Variants in PIK3CA observed in about 807,000 individuals in gnomAD.
The protein encoded by PIK3CA is phosphatidylinositol-4,5-bisphosphate 3-kinase catalytic subunit alpha.
PIK3CA carries 27 observed loss-of-function variants against 138.2 expected under a neutral mutation model. That is an observed-to-expected ratio of 0.20 (90% CI 0.14 to 0.27). PIK3CA has a LOEUF of 0.27. PIK3CA is among the 10% of genes least tolerant of loss of function. PIK3CA has a pLI of 1.00. For missense variants in PIK3CA, 544 were observed against 1,277.4 expected (o/e 0.43, Z 8.75); for synonymous variants, 358 against 413.2 (o/e 0.87, Z 1.62).
intron 1 of PIK3CA, among the ~76,000 whole-genome samples, chr3:179,181,213 AT>A (rs1723837040): frequency 6.6e-6 from 1 of 152,196 alleles, no homozygotes; most frequent in Non-Finnish European, 1.5e-5. Context: ...GAAAAGAAAC[AT>A]TCTGTTCCTT....
At chr3:179,178,536 A>G (rs1213258489) in intron 1 of PIK3CA, among the ~76,000 whole-genome samples, 1 of 152,194 alleles carries the variant, frequency 6.6e-6, no homozygotes, top group Non-Finnish European at 1.5e-5. Context: ...GATATAGACC[A>G]ACTGGAATTC....
chr3:179,148,765 C>G (rs1722923891), intron 1 of PIK3CA, among the ~76,000 whole-genome samples, 162 bp downstream of exon 1: 1 of 152,148 alleles, frequency 6.6e-6, no homozygotes, highest in Admixed American at 6.5e-5. Flanking sequence ...GCCGCACCCT[C>G]TCCCTCGCCT....
In PIK3CA at chr3:179,237,519, A is replaced by C. The variant is rs2108432755; in HGVS notation, c.*3155A>C. Reference sequence around the variant, plus strand: ...TTTTGTGTAAAGTGTAGTTCTTATTAATCAGGAAAATGATGACTTGATTAG... The same window carrying C: ...TTTTGTGTAAAGTGTAGTTCTTATTCATCAGGAAAATGATGACTTGATTAG... On this transcript the variant is annotated 3_prime_UTR_variant, in exon 21 of 21. Transcript: ENST00000263967. The C allele has an allele frequency of 4.8e-6, 1 of 206,216 alleles. No individual in the cohort carries two copies. Among genetic ancestry groups the C allele is most frequent in the South Asian group, 1.9e-4 (1 of 5,286 alleles). 12.8% of individuals were successfully genotyped at this position (206,216 alleles called of 1,614,324 possible).
Position 179,234,043 on chromosome 3 carries a change from G to T in PIK3CA, c.2937-51G>T, listed in dbSNP as rs761638265. 7.3e-7 allele frequency: 1 copy of T among 1,373,066 alleles called. No individual in the cohort carries two copies. The highest frequency in any genetic ancestry group is 2.3e-5 in the East Asian group (1 of 43,044). The allele number at this position is 1,373,066 out of a possible 1,614,324, so 85.1% of individuals were successfully genotyped here. On this transcript the variant is annotated intron_variant, in intron 20 of 20. Coordinates refer to ENST00000263967, the MANE Select transcript of PIK3CA (RefSeq NM_006218.4). The surrounding 1 kb of genome is among the most constrained non-coding windows in gnomAD (Gnocchi z 5.1). ...GTGACATTTGAGCAAAGACCTGAAG[G>T]TATTAACATCATTTGCTCCAAACTG...
At chr3:179,186,250 G>A (rs1417364684) in intron 1 of PIK3CA, among the ~76,000 whole-genome samples, 1 of 152,224 alleles carries the variant, frequency 6.6e-6, no homozygotes. Context: ...TAATTAAGAT[G>A]TTAATCTAGA....
rs761666391 is a variant in PIK3CA, at chr3:179,203,540, A to G, written c.814-4A>G. 3 of 1,607,682 alleles carry G rather than the reference A, an allele frequency of 1.9e-6. No homozygotes were observed. Among genetic ancestry groups the G allele is most frequent in the Non-Finnish European group, 1.7e-6 (2 of 1,177,354 alleles). On this transcript the variant is annotated splice_region_variant and splice_polypyrimidine_tract_variant and intron_variant, in intron 4 of 20. Transcript: ENST00000263967. Reference sequence around the variant, plus strand: ...AAATGGCTCGCCCCCTTAATCTCTTACAGTATATAAGAAGCTGTATAATGC... The same window carrying G: ...AAATGGCTCGCCCCCTTAATCTCTTGCAGTATATAAGAAGCTGTATAATGC...
chr3:179,176,044 G>C (rs905904136), intron 1 of PIK3CA, among the ~76,000 whole-genome samples: 3 of 151,958 alleles, frequency 2.0e-5, no homozygotes, highest in African/African-American at 7.3e-5. Flanking sequence ...CTCTAGTTTT[G>C]AATCCTTTCC....
In PIK3CA at chr3:179,239,749, C is replaced by G; in HGVS notation, c.*5385C>G. On this transcript the variant is annotated 3_prime_UTR_variant, in exon 21 of 21. Transcript: ENST00000263967. Reference sequence around the variant, plus strand: ...AAGAAATTCGAACCACCCTTTTGGCCCCATTAATTGTAGCAAGTTTATTTC... The same window carrying G: ...AAGAAATTCGAACCACCCTTTTGGCGCCATTAATTGTAGCAAGTTTATTTC... 5.1e-6 allele frequency: 2 copies of G among 390,750 alleles called. No individual in the cohort carries two copies. Among genetic ancestry groups the G allele is most frequent in the Non-Finnish European group, 9.1e-6 (2 of 220,136 alleles). 24.2% of individuals were successfully genotyped at this position (390,750 alleles called of 1,614,324 possible).
At chr3:179,165,007 C>T (rs968172445) in intron 1 of PIK3CA, among the ~76,000 whole-genome samples, 2 of 152,186 alleles carry the variant, frequency 1.3e-5, no homozygotes, top group African/African-American at 2.4e-5. Flanking sequence ...CATCTTTTCT[C>T]ATAATCACTG....
At chr3:179,171,783 A>G (rs1021017687) in intron 1 of PIK3CA, among the ~76,000 whole-genome samples, 7 of 152,158 alleles carry the variant, frequency 4.6e-5, no homozygotes, top group Admixed American at 1.3e-4. Flanking sequence ...CTTTAATGGC[A>G]TAGCTAGTAA....
chr3:179,181,120 T>C (rs555118175), intron 1 of PIK3CA, among the ~76,000 whole-genome samples: 1 of 152,236 alleles, frequency 6.6e-6, no homozygotes, highest in Non-Finnish European at 1.5e-5. Context: ...AAAGGTTGTT[T>C]TTCTGTCACC....
At chr3:179,168,013 G>C (rs1247667017) in intron 1 of PIK3CA, among the ~76,000 whole-genome samples, 1 of 152,128 alleles carries the variant, frequency 6.6e-6, no homozygotes, top group Non-Finnish European at 1.5e-5. Flanking sequence ...CTGGAATTCA[G>C]ATTTCATCTT....
chr3:179,209,596 TG>T lies in PIK3CA; in HGVS notation c.1149del (p.Trp383Ter). 6.3e-7 allele frequency: 1 copy of T among 1,585,434 alleles called. No individual in the cohort carries two copies. The highest frequency in any genetic ancestry group is 8.6e-7 in the Non-Finnish European group (1 of 1,160,828). ...TTTTTGCTTTAAAATTTTACATAGG[TG>T]GAATGAATGGCTGAATTATGATATA... ...TQRVPCSNPRWNEWLNYDIYI... is the reference protein window; with the variant it reads ...TQRVPCSNPRXNEWLNYDIYI... On this transcript the variant is annotated frameshift_variant and splice_region_variant, in exon 7 of 21. Transcript: ENST00000263967. LOFTEE classifies it high-confidence loss of function.
At chr3:179,200,259 A>T (rs937250807) in intron 3 of PIK3CA, among the ~76,000 whole-genome samples, 1 of 152,030 alleles carries the variant, frequency 6.6e-6, no homozygotes. Flanking sequence ...AACTTTATAC[A>T]TTCTTGTTAT....
chr3:179,162,024 AC>A (rs1438029661), intron 1 of PIK3CA, among the ~76,000 whole-genome samples: 1 of 152,192 alleles, frequency 6.6e-6, no homozygotes, highest in Non-Finnish European at 1.5e-5. Flanking sequence ...TGTACGGTCA[AC>A]GTTTTCCTTG....
At chr3:179,199,610 G>C in intron 2 of PIK3CA, 80 bp from the exon 3 acceptor site, 1 of 1,025,568 alleles carries the variant, frequency 9.8e-7, no homozygotes, top group East Asian at 2.5e-5. Context: ...CAAATCTACA[G>C]AGTTCCCTGT....
rs1160680785 is a variant in PIK3CA at position 179,230,857 on chromosome 3, C to T, written c.2936+481C>T. 3.3e-5 allele frequency among the ~76,000 whole-genome samples: 5 copies of T among 152,054 alleles called. No homozygotes were observed. Among genetic ancestry groups the T allele is most frequent in the Admixed American group, 2.6e-4 (4 of 15,264 alleles). On this transcript the variant is annotated intron_variant, in intron 20 of 20. Transcript: ENST00000263967. The surrounding 1 kb of genome is among the most constrained non-coding windows in gnomAD (Gnocchi z 5.4). ...TTATTTCAATAGCTTTTGGGGTACA[C>T]GTGGTTTTTGATTACATGGATGAAT...
intron 14 of PIK3CA, among the ~76,000 whole-genome samples, chr3:179,223,786 G>A (rs1161513259): frequency 1.3e-5 from 2 of 152,102 alleles, no homozygotes; most frequent in Non-Finnish European, 2.9e-5. Flanking sequence ...TACAAAAACT[G>A]GCAGCTGACC....
At chr3:179,154,560 T>G (rs1265538376) in intron 1 of PIK3CA, among the ~76,000 whole-genome samples, 2 of 152,018 alleles carry the variant, frequency 1.3e-5, no homozygotes, top group African/African-American at 2.4e-5. Context: ...GGGACTAAAT[T>G]CCCCTTCGGA....
Sources: gnomAD v4.1 joint callset for allele counts (sites outside exome capture counted in the v4.1 genomes callset) on GRCh38, gnomAD v4.1.1 for gene constraint, Gnocchi (gnomAD v3.1) non-coding constraint, MANE v1.5 for transcripts, NCBI Gene and HGNC (gene_info 2026-07-23, HGNC 2026-07-21) for gene names.